HS6ST2: variants seen among roughly 807,000 people sequenced by gnomAD.
HS6ST2 encodes the protein heparan sulfate 6-O-sulfotransferase 2.
HS6ST2 carries 17 observed loss-of-function variants against 33.0 expected under a neutral mutation model. The ratio of observed to expected loss-of-function variants is 0.52; its 90% CI spans 0.35 to 0.77. The LOEUF (loss-of-function observed/expected upper bound fraction) is 0.77, where lower values mean the gene tolerates loss of function less well. HS6ST2 is among the 30% of genes least tolerant of loss of function. The pLI is 0.01. For missense variants in HS6ST2, 519 were observed against 551.7 expected (o/e 0.94, Z 0.59); for synonymous variants, 248 against 237.1 (o/e 1.05, Z -0.42).
intron 2 of HS6ST2, among the ~76,000 whole-genome samples, chrX:132,829,831 T>C (rs1244120511): frequency 8.9e-6 from 1 of 111,827 alleles, no homozygotes; most frequent in African/African-American, 3.2e-5. Flanking sequence ...ACATGTCAGG[T>C]TAAAAAAGCA....
chrX:132,714,076 G>A (rs1448848075), intron 2 of HS6ST2, among the ~76,000 whole-genome samples: 1 of 111,845 alleles, frequency 8.9e-6, no homozygotes, highest in African/African-American at 3.3e-5. Context: ...AAACCCTTAG[G>A]TTCAGAGCCA....
At chrX:132,863,823 C>T (rs17324216) in intron 2 of HS6ST2, among the ~76,000 whole-genome samples, 15,282 of 111,093 alleles carry the variant, frequency 0.14, 909 homozygotes, top group East Asian at 0.34. Flanking sequence ...TATCTTCATC[C>T]CTAAAAATAT....
At chrX:132,937,614 T>C (rs1482108776) in intron 2 of HS6ST2, among the ~76,000 whole-genome samples, 1 of 111,687 alleles carries the variant, frequency 9.0e-6, no homozygotes, top group African/African-American at 3.3e-5. Context: ...CCCTCTTCAA[T>C]AACTTGTGCT....
intron 2 of HS6ST2, among the ~76,000 whole-genome samples, chrX:132,892,927 A>G (rs949498685): frequency 8.9e-6 from 1 of 112,595 alleles, no homozygotes; most frequent in Non-Finnish European, 1.9e-5. Flanking sequence ...CTCGTATCCA[A>G]TAAATGTAAA....
At chrX:132,793,623 T>C (rs1319222316) in intron 2 of HS6ST2, among the ~76,000 whole-genome samples, 1 of 112,099 alleles carries the variant, frequency 8.9e-6, no homozygotes, top group Admixed American at 9.5e-5. Flanking sequence ...TGCCTGGACT[T>C]ATTACATTTA....
intron 2 of HS6ST2, among the ~76,000 whole-genome samples, chrX:132,894,805 G>C (rs2066358220): frequency 9.0e-6 from 1 of 111,603 alleles, no homozygotes; most frequent in South Asian, 3.7e-4. Context: ...CAAAATGCTG[G>C]GATTACAGGC....
intron 2 of HS6ST2, among the ~76,000 whole-genome samples, chrX:132,831,628 T>C (rs1032300302): frequency 2.7e-5 from 3 of 111,593 alleles, no homozygotes; most frequent in Non-Finnish European, 3.8e-5. Context: ...CCGACAGCTG[T>C]ACTTAATAAG....
chrX:132,908,615 C>G (rs976146367), intron 2 of HS6ST2, among the ~76,000 whole-genome samples: 3 of 111,969 alleles, frequency 2.7e-5, no homozygotes, highest in Non-Finnish European at 3.8e-5. Flanking sequence ...ACCAAGAAGA[C>G]AGTCACAAAG....
intron 2 of HS6ST2, among the ~76,000 whole-genome samples, chrX:132,879,865 T>C (rs193082145): frequency 1.3e-4 from 14 of 111,676 alleles, no homozygotes; most frequent in Non-Finnish European, 2.6e-4. Flanking sequence ...ATGAAACACT[T>C]TTCCCATCAT....
intron 2 of HS6ST2, among the ~76,000 whole-genome samples, chrX:132,918,954 T>C (rs1193340845): frequency 8.9e-6 from 1 of 112,398 alleles, no homozygotes; most frequent in Non-Finnish European, 1.9e-5. Context: ...AATGAGAGGA[T>C]AATTCCTACT....
intron 4 of HS6ST2, among the ~76,000 whole-genome samples, chrX:132,635,781 A>C (rs1277558354): frequency 9.0e-6 from 1 of 110,830 alleles, no homozygotes; most frequent in Non-Finnish European, 1.9e-5. Flanking sequence ...AATAATGCCA[A>C]GGTTGAGGAA....
intron 2 of HS6ST2, among the ~76,000 whole-genome samples, chrX:132,814,442 G>A (rs2065378147): frequency 8.9e-6 from 1 of 112,321 alleles, no homozygotes; most frequent in Non-Finnish European, 1.9e-5. Context: ...GGATGATTGT[G>A]AGAATCAAAA....
At chrX:132,733,500 T>C (rs2064478073) in intron 2 of HS6ST2, among the ~76,000 whole-genome samples, 1 of 110,527 alleles carries the variant, frequency 9.0e-6, no homozygotes, top group Non-Finnish European at 1.9e-5. Flanking sequence ...TGGAAGTACC[T>C]CACAAGTACT....
At chrX:132,705,192 T>C (rs1234899884) in intron 3 of HS6ST2, among the ~76,000 whole-genome samples, 10 of 104,933 alleles carry the variant, frequency 9.5e-5, no homozygotes, top group Admixed American at 4.2e-4. Flanking sequence ...GGCACGCGTG[T>C]GTGTGTGTGT....
intron 2 of HS6ST2, among the ~76,000 whole-genome samples, chrX:132,848,198 G>A (rs1342914522): frequency 1.8e-5 from 2 of 111,733 alleles, no homozygotes; most frequent in East Asian, 2.8e-4. Context: ...TATTTAACAC[G>A]AGATCAGAAA....
chrX:132,769,180 G>A (rs747691498), intron 2 of HS6ST2, among the ~76,000 whole-genome samples: 5 of 111,956 alleles, frequency 4.5e-5, no homozygotes, highest in African/African-American at 1.3e-4. Context: ...GGAAGTCTAC[G>A]GTGCTGAAAT....
intron 2 of HS6ST2, among the ~76,000 whole-genome samples, chrX:132,874,760 A>G (rs763735080): frequency 1.1e-4 from 12 of 111,013 alleles, no homozygotes; most frequent in Non-Finnish European, 1.7e-4. Flanking sequence ...CACCCTTTCC[A>G]ACTGGCTATG....
intron 1 of HS6ST2, among the ~76,000 whole-genome samples, chrX:132,957,757 G>T (rs2067100112): frequency 9.0e-6 from 1 of 111,048 alleles, no homozygotes; most frequent in African/African-American, 3.3e-5. Context: ...CGCTTCGTCC[G>T]CCGGACTCTC....
chrX:132,940,797 G>A (rs901332945), intron 2 of HS6ST2, among the ~76,000 whole-genome samples: 3 of 111,596 alleles, frequency 2.7e-5, no homozygotes, highest in Admixed American at 1.9e-4. Context: ...ATCTTGGGAG[G>A]TTTACTGCAT....
Sources: gnomAD v4.1 joint callset for allele counts (sites outside exome capture counted in the v4.1 genomes callset) on GRCh38, gnomAD v4.1.1 for gene constraint, MANE v1.5 for transcripts, NCBI Gene and HGNC (gene_info 2026-07-23, HGNC 2026-07-21) for gene names.